The following CAMK4 variants were observed in gnomAD, a reference collection of about 807,000 sequenced individuals.
CAMK4 encodes the protein calcium/calmodulin-dependent protein kinase type IV.
In CAMK4, 22 loss-of-function variants were observed where a neutral mutation model predicts 44.9. The ratio of observed to expected loss-of-function variants is 0.49; its 90% CI spans 0.35 to 0.70. The LOEUF is 0.70. Ranked by LOEUF, CAMK4 falls within the 30% of genes least tolerant of loss-of-function variation. The probability of loss-of-function intolerance (pLI) is 0.01; values close to 1 mark genes in which losing one functional copy is unlikely to be tolerated. For missense variants in CAMK4, 498 were observed against 586.8 expected, an observed-to-expected ratio of 0.85 and a Z score of 1.56; for synonymous variants, 218 against 215.4, an observed-to-expected ratio of 1.01 and a Z score of -0.11.
intron 5 of CAMK4, among the ~76,000 whole-genome samples, chr5:111,419,757 T>C (rs1359991439): frequency 6.6e-6 from 1 of 152,168 alleles, no homozygotes; most frequent in South Asian, 2.1e-4. Context: ...TGGTTGTAGA[T>C]ATGCGGCATT....
chr5:111,237,753 T>C (rs1159602254), intron 1 of CAMK4, among the ~76,000 whole-genome samples: 1 of 152,202 alleles, frequency 6.6e-6, no homozygotes, highest in East Asian at 1.9e-4. Context: ...TCCTGTCACA[T>C]GGTTGGGTAA....
At chr5:111,224,345 G>T, upstream of CAMK4, 1 of 1,220,066 alleles carries the variant, frequency 8.2e-7, no homozygotes, top group South Asian at 2.4e-5. This position sits in a 1 kb window ranked among gnomAD's most constrained non-coding sequence, Gnocchi z 5.7. Flanking sequence ...GAGCGCGGGC[G>T]GCGGCGGTGG....
intron 5 of CAMK4, among the ~76,000 whole-genome samples, chr5:111,434,186 G>A (rs1451626327): frequency 2.0e-5 from 3 of 151,834 alleles, no homozygotes; most frequent in East Asian, 1.9e-4. Flanking sequence ...CCAACTACTC[G>A]GAAGGCTGAG....
intron 5 of CAMK4, among the ~76,000 whole-genome samples, chr5:111,414,154 A>C (rs1309577651): frequency 6.6e-6 from 1 of 152,168 alleles, no homozygotes; most frequent in African/African-American, 2.4e-5. Context: ...GACCAGGGAT[A>C]ATTAAGTGAC....
chr5:111,374,229 G>C (rs1751123451), intron 2 of CAMK4, among the ~76,000 whole-genome samples: 1 of 152,100 alleles, frequency 6.6e-6, no homozygotes, highest in African/African-American at 2.4e-5. Context: ...TTTTAATAAA[G>C]TGGTCTCCAT....
intron 2 of CAMK4, among the ~76,000 whole-genome samples, chr5:111,353,671 G>C (rs1203880309): frequency 1.3e-5 from 2 of 151,996 alleles, no homozygotes; most frequent in East Asian, 3.9e-4. Context: ...ATATATAAAT[G>C]AGGTACAAAA....
intron 1 of CAMK4, among the ~76,000 whole-genome samples, chr5:111,297,565 G>A (rs969184918): frequency 2.0e-5 from 3 of 152,078 alleles, no homozygotes; most frequent in Non-Finnish European, 4.4e-5. Flanking sequence ...CATTGACTAT[G>A]ATTTGTTTAA....
intron 4 of CAMK4, 107 bp downstream of exon 4, chr5:111,377,049 T>G: frequency 1.5e-6 from 1 of 665,770 alleles, no homozygotes. Flanking sequence ...AGATTATACT[T>G]GTTGATAAAT....
At chr5:111,361,394 C>T (rs1361929689) in intron 2 of CAMK4, among the ~76,000 whole-genome samples, 1 of 151,866 alleles carries the variant, frequency 6.6e-6, no homozygotes, top group East Asian at 1.9e-4. Flanking sequence ...GGGAATTGTG[C>T]ACATAAATCA....
At chr5:111,323,383 C>G (rs1040145308) in intron 1 of CAMK4, among the ~76,000 whole-genome samples, 4 of 151,850 alleles carry the variant, frequency 2.6e-5, no homozygotes, top group African/African-American at 9.7e-5. Flanking sequence ...ATTGTAAAAT[C>G]AAAAAATCAC....
intron 7 of CAMK4, among the ~76,000 whole-genome samples, chr5:111,464,247 C>T (rs181995120): frequency 2.0e-5 from 3 of 150,944 alleles, no homozygotes; most frequent in East Asian, 3.9e-4. Flanking sequence ...CTTCAGAGCT[C>T]GAAGACAAAG....
At chr5:111,317,097 G>A (rs1290783750) in intron 1 of CAMK4, among the ~76,000 whole-genome samples, 1 of 152,086 alleles carries the variant, frequency 6.6e-6, no homozygotes, top group Non-Finnish European at 1.5e-5. Context: ...ACATGGGCTT[G>A]GAACCGAAGA....
intron 1 of CAMK4, among the ~76,000 whole-genome samples, chr5:111,283,672 G>T (rs74430438): frequency 0.014 from 2,166 of 152,250 alleles, 51 homozygotes; most frequent in African/African-American, 0.05. Context: ...ATCTTACAGG[G>T]TTGTAGTTGT....
intron 10 of CAMK4, 89 bp downstream of exon 10, chr5:111,483,026 C>A: frequency 9.4e-7 from 1 of 1,069,336 alleles, no homozygotes; most frequent in South Asian, 2.3e-5. Context: ...TACCGTTCTT[C>A]ATCTAATACT....
At chr5:111,429,777 C>CAAAAAAAAA in intron 5 of CAMK4, among the ~76,000 whole-genome samples, 50 of 26,346 alleles carry the variant, frequency 1.9e-3, no homozygotes, top group African/African-American at 2.2e-3. Flanking sequence ...GACCTCATCT[C>CAAAAAAAAA]AAAAAAAAAA....
At chr5:111,330,732 C>G (rs1431324052) in intron 1 of CAMK4, among the ~76,000 whole-genome samples, 1 of 23,682 alleles carries the variant, frequency 4.2e-5, no homozygotes, top group African/African-American at 2.3e-4. Context: ...ACCAATCCCC[C>G]ATAGATAACT....
intron 5 of CAMK4, among the ~76,000 whole-genome samples, chr5:111,398,731 A>G (rs775400927): frequency 2.0e-5 from 3 of 152,128 alleles, no homozygotes; most frequent in Non-Finnish European, 4.4e-5. Context: ...TCTCTCATTC[A>G]CTGATACCAG....
rs142073522 is a variant in CAMK4, at chr5:111,332,598, G to A, written c.162-11426G>A. 1.4e-3 allele frequency among the ~76,000 whole-genome samples: 206 copies of A among 151,482 alleles called. 2 individuals are homozygous for A. The highest frequency in any genetic ancestry group is 4.4e-3 in the African/African-American group (184 of 41,388). On this transcript the variant is annotated intron_variant, in intron 1 of 10. Coordinates refer to ENST00000282356, the MANE Select transcript of CAMK4 (RefSeq NM_001744.6). ...AACCTCAGTCTTAAGGAGAGTGTTC[G>A]CTGCAATGAAATAACTTTTCTAGTA...
At chr5:111,237,908 G>A (rs1280835982) in intron 1 of CAMK4, among the ~76,000 whole-genome samples, 3 of 152,164 alleles carry the variant, frequency 2.0e-5, no homozygotes, top group South Asian at 4.1e-4. Flanking sequence ...CTTAATCATC[G>A]ATCAAAAAGA....
Sources: gnomAD v4.1 joint callset for allele counts (sites outside exome capture counted in the v4.1 genomes callset) on GRCh38, gnomAD v4.1.1 for gene constraint, Gnocchi (gnomAD v3.1) non-coding constraint, MANE v1.5 for transcripts, NCBI Gene and HGNC (gene_info 2026-07-23, HGNC 2026-07-21) for gene names.